Variants in CACHD1 observed in about 807,000 individuals in gnomAD.
The protein encoded by CACHD1 is cache domain containing 1, also known as VWFA and cache domain-containing protein 1.
In CACHD1, 71 loss-of-function variants were observed where a neutral mutation model predicts 138.7. The observed-to-expected ratio is 0.51, with a 90% CI of 0.42 to 0.62. The LOEUF (loss-of-function observed/expected upper bound fraction) is 0.62. Ranked by LOEUF, CACHD1 falls within the 20% of genes least tolerant of loss-of-function variation. CACHD1 has a pLI of 0.00. For synonymous variants in CACHD1, 578 were observed against 591.5 expected (o/e 0.98, Z 0.33); for missense variants, 1,389 against 1,625.3 (o/e 0.85, Z 2.50).
At chr1:64,662,772 AG>A (rs1649485167) in intron 13 of CACHD1, among the ~76,000 whole-genome samples, 1 of 152,228 alleles carries the variant, frequency 6.6e-6, no homozygotes, top group South Asian at 2.1e-4. Context: ...TTTTCCTGTT[AG>A]ATCAGACCAA....
intron 4 of CACHD1, among the ~76,000 whole-genome samples, chr1:64,616,112 A>G (rs1209736723): frequency 6.6e-6 from 1 of 152,152 alleles, no homozygotes; most frequent in African/African-American, 2.4e-5. Flanking sequence ...GCCTACTGAC[A>G]CTTGAAACTC....
At chr1:64,511,058 GA>G (rs1646416834) in intron 1 of CACHD1, among the ~76,000 whole-genome samples, 1 of 152,162 alleles carries the variant, frequency 6.6e-6, no homozygotes, top group East Asian at 1.9e-4. Context: ...ACGCCTTTTA[GA>G]TCATAGATAT....
intron 2 of CACHD1, among the ~76,000 whole-genome samples, chr1:64,565,212 C>A (rs1275030021): frequency 5.3e-5 from 8 of 151,768 alleles, no homozygotes; most frequent in African/African-American, 1.9e-4. Flanking sequence ...CCCAATTTTT[C>A]CCTCATCTGT....
At chr1:64,541,471 C>G (rs1646676766) in intron 1 of CACHD1, among the ~76,000 whole-genome samples, 1 of 152,134 alleles carries the variant, frequency 6.6e-6, no homozygotes. Flanking sequence ...TGCTATAGAA[C>G]TTTAGAAAAT....
intron 26 of CACHD1, among the ~76,000 whole-genome samples, 187 bp from the exon 27 acceptor site, chr1:64,691,135 GA>G (rs756817188): frequency 2.0e-5 from 3 of 151,586 alleles, no homozygotes; most frequent in African/African-American, 4.8e-5. Flanking sequence ...TTTTTTAAGG[GA>G]AAAAAAGAGT....
At chr1:64,556,888 G>A (rs921172508) in intron 2 of CACHD1, among the ~76,000 whole-genome samples, 5 of 152,118 alleles carry the variant, frequency 3.3e-5, no homozygotes, top group Non-Finnish European at 7.4e-5. Context: ...AATTGGCAAG[G>A]CGGGTGGATC....
chr1:64,673,598 C>A, intron 19 of CACHD1, 134 bp downstream of exon 19: 3 of 773,818 alleles, frequency 3.9e-6, no homozygotes, highest in East Asian at 2.5e-5. Flanking sequence ...TAGGAGGAGA[C>A]AGGAGCTTAG....
intron 1 of CACHD1, among the ~76,000 whole-genome samples, chr1:64,504,551 A>C (rs1292498471): frequency 6.6e-6 from 1 of 152,044 alleles, no homozygotes; most frequent in African/African-American, 2.4e-5. Flanking sequence ...TAATTCTTTC[A>C]TTTTGTATAT....
intron 9 of CACHD1, among the ~76,000 whole-genome samples, chr1:64,650,907 C>T (rs913292614): frequency 1.6e-4 from 24 of 152,106 alleles, no homozygotes; most frequent in Non-Finnish European, 3.4e-4. Context: ...TCACCTCCCC[C>T]CGCCCCCAAC....
At chr1:64,529,816 C>T (rs1390771153) in intron 1 of CACHD1, among the ~76,000 whole-genome samples, 1 of 152,156 alleles carries the variant, frequency 6.6e-6, no homozygotes, top group Non-Finnish European at 1.5e-5. Flanking sequence ...TTCTACAGGC[C>T]CAGATCAGAT....
chr1:64,506,542 G>A (rs1037328364), intron 1 of CACHD1: 2 of 152,216 alleles, frequency 1.3e-5, no homozygotes, highest in African/African-American at 4.8e-5. Context: ...GAGATTAAAT[G>A]ACTCAGAGCC....
At chr1:64,687,837 CTG>C (rs990290803) in intron 26 of CACHD1, among the ~76,000 whole-genome samples, 2 of 151,874 alleles carry the variant, frequency 1.3e-5, no homozygotes, top group African/African-American at 4.8e-5. Flanking sequence ...GTGTGAGTCA[CTG>C]TGTTAAATAC....
At position 64,679,607 on chromosome 1, in the gene CACHD1, T is replaced by C; in HGVS notation, c.3257T>C (p.Ile1086Thr). 2 of 1,614,000 alleles carry C rather than the reference T, an allele frequency of 1.2e-6. No homozygotes were observed. Among genetic ancestry groups the C allele is most frequent in the Non-Finnish European group, 1.7e-6 (2 of 1,179,944 alleles). ...TCTTTCACTGAAGGTGATGAGGTGA[T>C]CACATTAAACATGATTAAAAGCGCC... ...DDMGAIGDEV[I>T]TLNMIKSAPV... Residue 1086 changes from isoleucine to threonine, a missense_variant, in exon 24 of 27, where the codon ATC becomes ACC. Transcript: ENST00000651257.
At chr1:64,501,061 A>T in intron 1 of CACHD1, among the ~76,000 whole-genome samples, 1 of 151,596 alleles carries the variant, frequency 6.6e-6, no homozygotes, top group East Asian at 1.9e-4. Flanking sequence ...AAAAAAAAAA[A>T]GGAGAGACAG....
intron 1 of CACHD1, among the ~76,000 whole-genome samples, chr1:64,487,196 T>A (rs1318097470): frequency 6.6e-6 from 1 of 152,186 alleles, no homozygotes; most frequent in African/African-American, 2.4e-5. Context: ...AGTTGGCTTT[T>A]GCTTAGAAGG....
chr1:64,614,462 A>T (rs978061352), intron 4 of CACHD1, among the ~76,000 whole-genome samples: 1 of 151,884 alleles, frequency 6.6e-6, no homozygotes, highest in Non-Finnish European at 1.5e-5. Context: ...TTTGGTCTAG[A>T]CATCTTGTTG....
intron 1 of CACHD1, among the ~76,000 whole-genome samples, chr1:64,544,594 G>A (rs1290983277): frequency 4.6e-5 from 7 of 151,604 alleles, no homozygotes; most frequent in Admixed American, 2.0e-4. Flanking sequence ...CCATGCACAC[G>A]TGCGCACAAA....
At chr1:64,690,999 T>C (rs1250064755) in intron 26 of CACHD1, among the ~76,000 whole-genome samples, 1 of 152,104 alleles carries the variant, frequency 6.6e-6, no homozygotes, top group Non-Finnish European at 1.5e-5. Context: ...GATGATGGGA[T>C]GTAGTGTGAT....
intron 2 of CACHD1, among the ~76,000 whole-genome samples, chr1:64,579,392 G>GT (rs1218440382): frequency 5.9e-5 from 9 of 152,234 alleles, no homozygotes; most frequent in Non-Finnish European, 7.4e-5. Flanking sequence ...AATTAAGAGT[G>GT]TGTGTGTGAG....
Sources: allele counts gnomAD v4.1 joint callset (sites outside exome capture counted in the v4.1 genomes callset), GRCh38; gene constraint gnomAD v4.1.1; transcripts MANE v1.5; gene names NCBI Gene and HGNC (gene_info 2026-07-23, HGNC 2026-07-21).